TUBD1: variants seen among roughly 807,000 people sequenced by gnomAD.
TUBD1 encodes tubulin delta 1.
A neutral mutation model predicts 51.2 loss-of-function variants in TUBD1; 38 were observed. That is an observed-to-expected ratio of 0.74 (90% CI 0.57 to 0.97). TUBD1 has a LOEUF of 0.97. Among genes scored for constraint, TUBD1 ranks in the 50% least tolerant of loss-of-function variants. The probability of loss-of-function intolerance (pLI) is 0.00; values close to 1 mark genes in which losing one functional copy is unlikely to be tolerated. For missense variants in TUBD1, 489 were observed against 538.4 expected (o/e 0.91, Z 0.91); for synonymous variants, 169 against 178.2 (o/e 0.95, Z 0.41).
At chr17:59,889,010 CTTT>C (rs756097623) in intron 2 of TUBD1, among the ~76,000 whole-genome samples, 2 of 55,776 alleles carry the variant, frequency 3.6e-5, no homozygotes, top group Non-Finnish European at 6.2e-5. Flanking sequence ...CCATGCCTGG[CTTT>C]TTTTTTTTTT....
chr17:59,891,105 A>G, intron 1 of TUBD1, 64 bp from the exon 2 acceptor site: 1 of 853,986 alleles, frequency 1.2e-6, no homozygotes, highest in South Asian at 1.7e-5. Flanking sequence ...ATAAAATGCC[A>G]TGTATGTTAA....
At position 59,886,224 on chromosome 17, in the gene TUBD1, A is replaced by G. The variant is rs1369752771; in HGVS notation, c.179T>C (p.Ile60Thr). 6.2e-7 allele frequency: 1 copy of G among 1,611,646 alleles called. No homozygotes were observed. The highest frequency in any genetic ancestry group is 2.2e-5 in the East Asian group (1 of 44,858). ...FFSEEENGVP[I>T]ARAVLVDMEP... is the part of the protein sequence containing the mutation. ...CATGTCAACAAGAACAGCCCGGGCA[A>G]TTGGAACTAGAGGGGGAAAAAAACC... The change falls in exon 3 of 9, where the codon ATT becomes ACT. Residue 60 changes from isoleucine (I) to threonine (T), a missense_variant. Coordinates refer to ENST00000325752, the MANE Select transcript of TUBD1 (RefSeq NM_016261.4).
At position 59,862,140 on chromosome 17, in the gene TUBD1, A is replaced by G. The variant is rs1006297028; in HGVS notation, c.1259+1524T>C. ...GGAGTTCGAGACCAGCCTGACCAAC[A>G]TGGAGAAACCCTGTCTCTACTAAAA... On this transcript the variant is annotated intron_variant, in intron 8 of 8. Coordinates refer to ENST00000325752, the MANE Select transcript of TUBD1 (RefSeq NM_016261.4). 7.5e-4 allele frequency among the ~76,000 whole-genome samples: 114 copies of G among 151,236 alleles called. 1 individual carries two copies. The highest frequency in any genetic ancestry group is 9.7e-4 in the Non-Finnish European group (66 of 67,724).
At position 59,863,713 on chromosome 17, in the gene TUBD1, T is replaced by TTACTAAG. The variant is rs771451262; in HGVS notation, c.1203_1209dup (p.Lys404LeufsTer6). On this transcript the variant is annotated frameshift_variant, in exon 8 of 9. Coordinates refer to ENST00000325752, the MANE Select transcript of TUBD1 (RefSeq NM_016261.4). LOFTEE classifies it high-confidence loss of function. ...TTCCCAACAATCATATCAAGTGGTT[T>TTACTAAG]TACTAAGAACTGGCTGTTGCTGACC... 6.2e-7 allele frequency: 1 copy of TTACTAAG among 1,603,814 alleles called. No homozygotes were observed. Among genetic ancestry groups the TTACTAAG allele is most frequent in the Admixed American group, 1.8e-5 (1 of 57,018 alleles).
intron 5 of TUBD1, 96 bp downstream of exon 5, chr17:59,878,007 G>A (rs969788101): frequency 3.3e-6 from 3 of 918,046 alleles, no homozygotes; most frequent in Non-Finnish European, 3.3e-6. Context: ...CAAGACTTAA[G>A]TGTATCTTCA....
intron 3 of TUBD1, 123 bp from the exon 4 acceptor site, chr17:59,881,233 T>G (rs1239283945): frequency 5.1e-6 from 4 of 784,208 alleles, no homozygotes; most frequent in African/African-American, 3.5e-5. Context: ...GGAACTCTCA[T>G]GAAAGGTACA....
intron 8 of TUBD1, among the ~76,000 whole-genome samples, chr17:59,860,689 C>T (rs188083317): frequency 5.9e-5 from 9 of 151,530 alleles, no homozygotes; most frequent in African/African-American, 9.7e-5. Flanking sequence ...CAGGTTCAAG[C>T]GATTCGACTA....
chr17:59,863,870 C>T (rs559000607), intron 7 of TUBD1, 23 bp from the exon 8 acceptor site: 44 of 1,446,740 alleles, frequency 3.0e-5, no homozygotes, highest in Non-Finnish European at 3.2e-5. Context: ...CAAGATAAGC[C>T]GTCTTTTTAT....
chr17:59,867,255 C>G (rs2039749986), intron 6 of TUBD1, among the ~76,000 whole-genome samples: 1 of 152,048 alleles, frequency 6.6e-6, no homozygotes, highest in Non-Finnish European at 1.5e-5. Context: ...ACTGCAGCCT[C>G]AAACTCCTGG....
At chr17:59,870,746 G>A (rs2039948180) in intron 6 of TUBD1, among the ~76,000 whole-genome samples, 1 of 152,320 alleles carries the variant, frequency 6.6e-6, no homozygotes, top group South Asian at 2.1e-4. Context: ...GATACGCTGA[G>A]TATGATATTT....
chr17:59,861,966 T>G (rs2039471236), intron 8 of TUBD1, among the ~76,000 whole-genome samples: 1 of 150,334 alleles, frequency 6.7e-6, no homozygotes, highest in Non-Finnish European at 1.5e-5. Context: ...GCACCCAGCC[T>G]GAGTGGGGTT....
chr17:59,861,427 G>A (rs2039437652), intron 8 of TUBD1, among the ~76,000 whole-genome samples: 1 of 151,626 alleles, frequency 6.6e-6, no homozygotes, highest in Non-Finnish European at 1.5e-5. Flanking sequence ...TTGAATTCCT[G>A]GCCTCAAGTG....
chr17:59,864,019 A>G (rs2039584338), intron 7 of TUBD1, among the ~76,000 whole-genome samples, 172 bp from the exon 8 acceptor site: 2 of 151,808 alleles, frequency 1.3e-5, no homozygotes, highest in African/African-American at 4.8e-5. Flanking sequence ...AGGAGGGTAG[A>G]TTGCTCGAGC....
At chr17:59,867,998 T>G (rs117609196) in intron 6 of TUBD1, among the ~76,000 whole-genome samples, 2,743 of 150,154 alleles carry the variant, frequency 0.018, 52 homozygotes, top group Non-Finnish European at 0.031. Flanking sequence ...CATGGTGGCT[T>G]ATGCCTGTAA....
At chr17:59,890,549 T>C (rs1445309064) in intron 2 of TUBD1, among the ~76,000 whole-genome samples, 3 of 152,084 alleles carry the variant, frequency 2.0e-5, no homozygotes, top group African/African-American at 7.2e-5. Flanking sequence ...GCCAGCAGGG[T>C]CCTCTTTTGA....
intron 2 of TUBD1, among the ~76,000 whole-genome samples, chr17:59,889,985 AAAG>A (rs1445952646): frequency 2.0e-5 from 3 of 150,762 alleles, no homozygotes; most frequent in African/African-American, 7.3e-5. Context: ...AAAAAAAAAA[AAAG>A]AGAGACAGAG....
intron 5 of TUBD1, among the ~76,000 whole-genome samples, chr17:59,876,787 C>T (rs1164594556): frequency 1.3e-5 from 2 of 152,064 alleles, no homozygotes; most frequent in Non-Finnish European, 1.5e-5. Flanking sequence ...CCATGGTGCC[C>T]GGCCAATGCA....
chr17:59,864,365 C>T (rs1162366721), intron 7 of TUBD1, among the ~76,000 whole-genome samples: 2 of 151,616 alleles, frequency 1.3e-5, no homozygotes, highest in African/African-American at 2.4e-5. Flanking sequence ...AGGCTGGTCT[C>T]GAACTCCTGG....
At chr17:59,863,991 C>A in intron 7 of TUBD1, 144 bp from the exon 8 acceptor site, 1 of 709,994 alleles carries the variant, frequency 1.4e-6, no homozygotes, top group Non-Finnish European at 2.0e-6. Flanking sequence ...CAGAGACTTC[C>A]AGAAATTTAG....
Sources: allele counts gnomAD v4.1 joint callset (sites outside exome capture counted in the v4.1 genomes callset), GRCh38; gene constraint gnomAD v4.1.1; transcripts MANE v1.5; gene names NCBI Gene and HGNC (gene_info 2026-07-23, HGNC 2026-07-21).